RDH5: variants seen among roughly 807,000 people sequenced by gnomAD.
RDH5 encodes the protein 11-cis RDH.
In RDH5, 25 loss-of-function variants were observed where a neutral mutation model predicts 24.0. The observed-to-expected ratio is 1.04, with a 90% confidence interval of 0.76 to 1.46. The LOEUF is 1.46. Ranked by LOEUF, RDH5 falls within the 40% of genes most tolerant of loss-of-function variation. The probability of loss-of-function intolerance (pLI) is 0.00; values close to 1 mark genes in which losing one functional copy is unlikely to be tolerated. For synonymous variants in RDH5, 170 were observed against 175.2 expected (o/e 0.97, Z 0.23); for missense variants, 369 against 410.3 (o/e 0.90, Z 0.87).
chr12:55,722,088 G>A (rs771353465), intron 3 of RDH5, 141 bp downstream of exon 3: 19 of 786,852 alleles, frequency 2.4e-5, no homozygotes, highest in Non-Finnish European at 3.6e-5. Flanking sequence ...GTTCAATGAA[G>A]TCTACCCTTA....
At position 55,724,557 on chromosome 12, in the gene RDH5, C is replaced by A. The variant is rs886049675; in HGVS notation, c.*12C>A. 1.2e-6 allele frequency: 2 copies of A among 1,606,216 alleles called. No individual in the cohort carries two copies. Among genetic ancestry groups the A allele is most frequent in the Non-Finnish European group, 1.7e-6 (2 of 1,178,036 alleles). ...AAGCAGTCTACTGAATCCAGCCTTCCAGCAAGAGATTGTTTTTCAAGGACA... is the reference window on the plus strand; with the variant it reads ...AAGCAGTCTACTGAATCCAGCCTTCAAGCAAGAGATTGTTTTTCAAGGACA... On this transcript the variant is annotated 3_prime_UTR_variant, in exon 5 of 5. Transcript: ENST00000257895.
chr12:55,721,175 G>C lies in RDH5; in HGVS notation c.-10G>C. 1 of 1,613,660 alleles carries C rather than the reference G, an allele frequency of 6.2e-7. No homozygotes were observed. The highest frequency in any genetic ancestry group is 8.5e-7 in the Non-Finnish European group (1 of 1,179,974). On this transcript the variant is annotated 5_prime_UTR_variant, in exon 2 of 5. Coordinates refer to ENST00000257895, the MANE Select transcript of RDH5 (RefSeq NM_002905.5). The surrounding 1 kb of genome is among the most constrained non-coding windows in gnomAD (Gnocchi z 4.7). ...TAGGCTGCCACCTGTAGGTCACTTGGGCTCCAGCTATGTGGCTGCCTCTTC... is the reference window on the plus strand; with the variant it reads ...TAGGCTGCCACCTGTAGGTCACTTGCGCTCCAGCTATGTGGCTGCCTCTTC...
intron 1 of RDH5, chr12:55,720,883 CAA>C (rs4016511): frequency 0.048 from 4,718 of 99,170 alleles, no homozygotes; most frequent in South Asian, 0.092. Flanking sequence ...GACTCCATCT[CAA>C]AAAAAAAAAA....
In RDH5 at chr12:55,721,947, G is replaced by A; in HGVS notation, c.569G>A (p.Arg190Lys). ...CTGGAGGCCTTCTCTGACAGCCTGA[G>A]GTGAGGGGTACAGGGCTCTGGGTTC... The part of the protein sequence containing the change: ...FGLEAFSDSL[R>K]RDVAHFGIRV... Residue 190 changes from arginine to lysine, a missense_variant and splice_region_variant, in exon 3 of 5, where the codon AGG (arginine) becomes AAG (lysine). Coordinates refer to ENST00000257895, the MANE Select transcript of RDH5 (RefSeq NM_002905.5). The surrounding 1 kb of genome is among the most constrained non-coding windows in gnomAD (Gnocchi z 4.7). 1 of 1,612,870 alleles carries A rather than the reference G, an allele frequency of 6.2e-7. No individual in the cohort carries two copies. Among genetic ancestry groups the A allele is most frequent in the Non-Finnish European group, 8.5e-7 (1 of 1,179,682 alleles).
intron 3 of RDH5, 134 bp from the exon 4 acceptor site, chr12:55,723,752 C>T: frequency 3.0e-6 from 3 of 1,000,800 alleles, no homozygotes; most frequent in Non-Finnish European, 1.5e-6. Context: ...ACCCTTGTCC[C>T]GGGGCAGTAG....
rs781112960 is a variant in RDH5 at position 55,721,914 on chromosome 12, A to C, written c.536A>C (p.Lys179Thr). The change falls in exon 3 of 5, where the codon AAA becomes ACA. Residue 179 changes from lysine to threonine, a missense_variant. Coordinates refer to ENST00000257895, the MANE Select transcript of RDH5 (RefSeq NM_002905.5). This position sits in a 1 kb window ranked among gnomAD's most constrained non-coding sequence, Gnocchi z 4.7. ...AANGGGYCVS[K>T]FGLEAFSDSL... ...AATGGTGGGGGCTACTGTGTCTCCA[A>C]ATTTGGCCTGGAGGCCTTCTCTGAC... 4 of 1,613,444 alleles carry C rather than the reference A, an allele frequency of 2.5e-6. No homozygotes were observed. In the South Asian group the frequency reaches 4.4e-5, roughly 18 times the overall value.
chr12:55,724,174 A>T, intron 4 of RDH5, 125 bp downstream of exon 4: 1 of 1,459,996 alleles, frequency 6.8e-7, no homozygotes, highest in Non-Finnish European at 9.4e-7. Flanking sequence ...ACAGGATGTT[A>T]CAAGAGTGCC....
At position 55,721,549 on chromosome 12, in the gene RDH5, C is replaced by A; in HGVS notation, c.310+55C>A. 6.3e-7 allele frequency: 1 copy of A among 1,596,196 alleles called. No homozygotes were observed. The highest frequency in any genetic ancestry group is 1.1e-5 in the South Asian group (1 of 90,766). On this transcript the variant is annotated intron_variant, in intron 2 of 4. Coordinates refer to ENST00000257895, the MANE Select transcript of RDH5 (RefSeq NM_002905.5). This position sits in a 1 kb window ranked among gnomAD's most constrained non-coding sequence, Gnocchi z 4.7. ...TGTGGGGTGTCCTGATCCCCACAGT[C>A]ACCCCAGGAGTCACCTGCAAGGGCT...
At position 55,721,607 on chromosome 12, in the gene RDH5, C is replaced by T. The variant is rs1876922380; in HGVS notation, c.311-82C>T. The T allele has an allele frequency of 6.3e-7, 1 of 1,596,374 alleles. No individual in the cohort carries two copies. The highest frequency in any genetic ancestry group is 1.7e-5 in the Admixed American group (1 of 59,976). On this transcript the variant is annotated intron_variant, in intron 2 of 4. Transcript: ENST00000257895. This position sits in a 1 kb window ranked among gnomAD's most constrained non-coding sequence, Gnocchi z 4.7. ...GCTAAAGGGACAATTTGAGGAGAAG[C>T]AGTTTTCAGATGCTCCCAGGAAGAA...
In RDH5 at chr12:55,721,887, C is replaced by T; in HGVS notation, c.509C>T (p.Ala170Val). ...ACCAGCGTCCTGGGTCGCCTGGCAG[C>T]CAATGGTGGGGGCTACTGTGTCTCC... is the stretch of plus-strand genomic sequence containing the variant. ...NITSVLGRLA[A>V]NGGGYCVSKF... Residue 170 changes from alanine to valine, a missense_variant, in exon 3 of 5, where the codon GCC becomes GTC. By Grantham distance (64) the Ala-to-Val change is moderately conservative (BLOSUM62 0). Transcript: ENST00000257895. This position sits in a 1 kb window ranked among gnomAD's most constrained non-coding sequence, Gnocchi z 4.7. The T allele has an allele frequency of 6.2e-7, 1 of 1,613,822 alleles. No individual in the cohort carries two copies.
intron 3 of RDH5, chr12:55,723,608 C>A (rs1437657347): frequency 2.9e-5 from 13 of 446,604 alleles, no homozygotes; most frequent in African/African-American, 2.6e-4. Context: ...CTGATAATAT[C>A]ATTAATTTTG....
intron 3 of RDH5, chr12:55,723,237 A>G (rs1416435042): frequency 1.3e-5 from 2 of 152,488 alleles, no homozygotes; most frequent in African/African-American, 4.8e-5. Flanking sequence ...TGGGCCTCCC[A>G]AAGTGTTGGG....
intron 3 of RDH5, chr12:55,723,187 G>C (rs551459309): frequency 6.6e-6 from 1 of 152,524 alleles, no homozygotes; most frequent in East Asian, 1.9e-4. Flanking sequence ...GTGGTGACCA[G>C]ACTTGTCTCC....
intron 3 of RDH5, 54 bp downstream of exon 3, chr12:55,722,001 CGTG>C (rs763355484): frequency 6.3e-7 from 1 of 1,582,130 alleles, no homozygotes; most frequent in Admixed American, 1.8e-5. Flanking sequence ...ACTCAACAAA[CGTG>C]GGCCAGCAGA....
Position 55,723,878 on chromosome 12 carries a change from G to C in RDH5, c.570-8G>C, listed in dbSNP as rs143431876. On this transcript the variant is annotated splice_polypyrimidine_tract_variant and splice_region_variant and intron_variant, in intron 3 of 4. Transcript: ENST00000257895. ...GAACCCAGCAACTTCGCTCTGCCCC[G>C]ACTCTAGGCGGGATGTAGCTCATTT... 1.1e-3 allele frequency: 1,778 copies of C among 1,613,272 alleles called. 16 individuals are homozygous for C. In the African/African-American group the frequency reaches 0.021, roughly 19 times the overall value.
At position 55,724,209 on chromosome 12, in the gene RDH5, C is replaced by T. The variant is rs553945466; in HGVS notation, c.734-113C>T. 12 of 1,453,702 alleles carry T rather than the reference C, an allele frequency of 8.3e-6. No homozygotes were observed. The African/African-American group carries it at 1.5e-4, about 19-fold the overall frequency. The allele number at this position is 1,453,702 out of a possible 1,614,324, so 90.1% of individuals were successfully genotyped here. A position where few individuals can be genotyped will look rare whatever the true frequency, so the allele number is the denominator to read the frequency against. On this transcript the variant is annotated intron_variant, in intron 4 of 4. Transcript: ENST00000257895. ...CCAGGCCATGTGGAACCTGCCCACTCCCCACACTGAGGAGGGGACTGAGGG... is the reference window on the plus strand; with the variant it reads ...CCAGGCCATGTGGAACCTGCCCACTTCCCACACTGAGGAGGGGACTGAGGG...
rs376860986 is a variant in RDH5 at position 55,721,652 on chromosome 12, C to G, written c.311-37C>G. On this transcript the variant is annotated intron_variant, in intron 2 of 4. Transcript: ENST00000257895. This position sits in a 1 kb window ranked among gnomAD's most constrained non-coding sequence, Gnocchi z 4.7. ...GAAGAAGAGGGAGCTGTGGGAGTGC[C>G]TCACCTACCCCCAGCATCCTTTTCA... 3.7e-4 allele frequency: 595 copies of G among 1,603,776 alleles called. 1 individual carries two copies. Among genetic ancestry groups the G allele is most frequent in the Non-Finnish European group, 4.5e-4 (531 of 1,179,792 alleles).
rs769883400 is a variant in RDH5, at chr12:55,724,574, T to A, written c.*29T>A. On this transcript the variant is annotated 3_prime_UTR_variant, in exon 5 of 5. Transcript: ENST00000257895. ...CAGCCTTCCAGCAAGAGATTGTTTTTCAAGGACAAGGACTTTGATTTATTT... is the reference window on the plus strand; with the variant it reads ...CAGCCTTCCAGCAAGAGATTGTTTTACAAGGACAAGGACTTTGATTTATTT... The A allele has an allele frequency of 6.3e-7, 1 of 1,595,998 alleles. No individual in the cohort carries two copies. The highest frequency in any genetic ancestry group is 1.3e-5 in the African/African-American group (1 of 74,752).
At chr12:55,723,686 G>T in intron 3 of RDH5, 200 bp from the exon 4 acceptor site, 4 of 619,232 alleles carry the variant, frequency 6.5e-6, no homozygotes, top group Non-Finnish European at 1.1e-5. Context: ...GCTGACCCCT[G>T]CTCTAGATCA....
Sources: allele counts gnomAD v4.1 joint callset, GRCh38; gene constraint gnomAD v4.1.1; non-coding constraint Gnocchi (gnomAD v3.1); transcripts MANE v1.5; gene names NCBI Gene and HGNC (gene_info 2026-07-23, HGNC 2026-07-21).